Variants in SRMS observed in about 807,000 individuals in gnomAD.
SRMS encodes tyrosine-protein kinase Srms.
In SRMS, 42 loss-of-function variants were observed where a neutral mutation model predicts 43.5. The observed-to-expected ratio is 0.97, with a 90% CI of 0.75 to 1.25. The LOEUF is 1.25. SRMS is among the 50% of genes most tolerant of loss of function. The pLI, the probability that SRMS is intolerant of heterozygous loss-of-function variation, is 0.00. For synonymous variants in SRMS, 316 were observed against 308.2 expected (o/e 1.03, Z -0.27); for missense variants, 703 against 681.0 (o/e 1.03, Z -0.36).
Position 63,547,209 on chromosome 20 carries a change from G to A in SRMS, c.255C>T (p.Gly85=), listed in dbSNP as rs143856117. Residue 85 remains glycine (G), a synonymous_variant, in exon 1 of 8, where the codon GGC becomes GGT. Transcript: ENST00000217188. The stretch of plus-strand genomic sequence containing the variant: ...AAAGCCTGCGTGCGAAGATGTAGCC[G>A]CCCCCCTCTTCGAGGGCACAGAGCC... The part of the protein sequence containing the change: ...GDRLCALEEG[G]GYIFARRLSG... The A allele has an allele frequency of 6.5e-5, 105 of 1,611,756 alleles. No individual in the cohort carries two copies. In the South Asian group the frequency reaches 9.1e-4, roughly 14 times the overall value.
chr20:63,542,452 C>A lies in SRMS; in HGVS notation c.775G>T (p.Val259Phe). Residue 259 changes from valine to phenylalanine, a missense_variant, in exon 4 of 8, where the codon GTC becomes TTC. Transcript: ENST00000217188. ...CTCGGGGCCTCACCTGACTTGATGA[C>A]CTTGATCGCCACGGGCAGGGAGCCC... ...WLGSLPVAIK[V>F]IKSANMKLTD... The A allele has an allele frequency of 1.2e-6, 2 of 1,611,792 alleles. No homozygotes were observed. The highest frequency in any genetic ancestry group is 1.7e-6 in the Non-Finnish European group (2 of 1,179,396).
Position 63,538,872 on chromosome 20 carries a change from A to G in SRMS, c.*1946T>C, listed in dbSNP as rs1039905305. The stretch of plus-strand genomic sequence containing the variant: ...GTGCAGGACTTTCAGTCTAAGCCAC[A>G]CCAGGAGGCAGGAACGTCCCCAGCC... On this transcript the variant is annotated 3_prime_UTR_variant, in exon 8 of 8. Transcript: ENST00000217188. 2.1e-4 allele frequency among the ~76,000 whole-genome samples: 32 copies of G among 152,246 alleles called. No homozygotes were observed. The highest frequency in any genetic ancestry group is 6.5e-4 in the African/African-American group (27 of 41,554).
intron 7 of SRMS, 70 bp from the exon 8 acceptor site, chr20:63,541,069 C>T (rs2145982347): frequency 1.3e-6 from 2 of 1,590,000 alleles, no homozygotes; most frequent in South Asian, 1.1e-5. Flanking sequence ...CTCCTGTAGC[C>T]CCCCATGTCA....
At position 63,540,728 on chromosome 20, in the gene SRMS, T is replaced by A; in HGVS notation, c.*90A>T. The A allele has an allele frequency of 6.1e-6, 9 of 1,470,288 alleles. No homozygotes were observed. Among genetic ancestry groups the A allele is most frequent in the Non-Finnish European group, 7.2e-6 (8 of 1,105,346 alleles). 91.1% of individuals were successfully genotyped at this position (1,470,288 alleles called of 1,614,324 possible). On this transcript the variant is annotated 3_prime_UTR_variant, in exon 8 of 8. Coordinates refer to ENST00000217188, the MANE Select transcript of SRMS (RefSeq NM_080823.4). ...AGGCCCACAGCCAGAGGCTCCTCGG[T>A]CCGGCAGACCGGCATCCCTTCGAGT...
rs766697222 is a variant in SRMS, at chr20:63,541,636, C to A, written c.947-16G>T. On this transcript the variant is annotated splice_polypyrimidine_tract_variant and intron_variant, in intron 5 of 7. Coordinates refer to ENST00000217188, the MANE Select transcript of SRMS (RefSeq NM_080823.4). ...CCCTCGGGGGCTGCAGGAGACAGCG[C>A]GGGGTCTTTTAGGGCACGGGGCCAA... The A allele has an allele frequency of 1.2e-5, 18 of 1,505,474 alleles. 1 individual carries two copies. The South Asian group carries it at 2.1e-4, about 18-fold the overall frequency. The allele number at this position is 1,505,474 out of a possible 1,614,324, so 93.3% of individuals were successfully genotyped here. A position where few individuals can be genotyped will look rare whatever the true frequency, so the allele number is the denominator to read the frequency against.
At chr20:63,546,010 T>G (rs1319311488) in intron 1 of SRMS, among the ~76,000 whole-genome samples, 1 of 152,098 alleles carries the variant, frequency 6.6e-6, no homozygotes, top group African/African-American at 2.4e-5. Flanking sequence ...TGGGGCCAGG[T>G]GTCTGGAGCT....
chr20:63,542,074 C>T (rs1010277253), intron 5 of SRMS, 89 bp downstream of exon 5: 9 of 1,520,594 alleles, frequency 5.9e-6, no homozygotes, highest in East Asian at 4.6e-5. Flanking sequence ...CGGTTCACCT[C>T]GGAAACCCCG....
chr20:63,543,591 C>T, intron 2 of SRMS, 111 bp from the exon 3 acceptor site: 2 of 1,305,606 alleles, frequency 1.5e-6, no homozygotes, highest in South Asian at 2.9e-5. Context: ...TCAGACCTAG[C>T]TGGGGACCCT....
rs1174859735 is a variant in SRMS, at chr20:63,543,322, T to C, written c.637A>G (p.Met213Val). 1.2e-6 allele frequency: 2 copies of C among 1,612,394 alleles called. No individual in the cohort carries two copies. The highest frequency in any genetic ancestry group is 1.3e-5 in the African/African-American group (1 of 75,044). Residue 213 changes from methionine to valine, a missense_variant, in exon 3 of 8, where the codon ATG (methionine) becomes GTG (valine). Coordinates refer to ENST00000217188, the MANE Select transcript of SRMS (RefSeq NM_080823.4). ...LIQNPLLQPC[M>V]PQKAPRQDVW... ...GGCAGGCACAGGCCCACCTGGGGCATGCAGGGCTGCAGCAGGGGGTTCTGG... is the reference window on the plus strand; with the variant it reads ...GGCAGGCACAGGCCCACCTGGGGCACGCAGGGCTGCAGCAGGGGGTTCTGG...
chr20:63,543,995 GGAAT>G (rs758494492), intron 2 of SRMS, among the ~76,000 whole-genome samples: 6 of 152,142 alleles, frequency 3.9e-5, no homozygotes, highest in Non-Finnish European at 8.8e-5. Flanking sequence ...GAATTAGTGA[GGAAT>G]GAATGAACAA....
rs973775314 is a variant in SRMS at position 63,547,225 on chromosome 20, G to A, written c.239C>T (p.Ala80Val). Residue 80 changes from alanine to valine, a missense_variant, in exon 1 of 8, where the codon GCC becomes GTC. Transcript: ENST00000217188. Reference protein sequence around the residue: ...LSVRRGDRLCALEEGGGYIFA... With the variant: ...LSVRRGDRLCVLEEGGGYIFA... The stretch of plus-strand genomic sequence containing the variant: ...GATGTAGCCGCCCCCCTCTTCGAGG[G>A]CACAGAGCCTGTCCCCGCGGCGGAC... 1 of 1,611,992 alleles carries A rather than the reference G, an allele frequency of 6.2e-7. No individual in the cohort carries two copies. The highest frequency in any genetic ancestry group is 1.7e-5 in the Admixed American group (1 of 59,932).
chr20:63,546,063 G>T (rs1363884819), intron 1 of SRMS, among the ~76,000 whole-genome samples: 1 of 152,076 alleles, frequency 6.6e-6, no homozygotes, highest in Non-Finnish European at 1.5e-5. Flanking sequence ...TCCAGCCTAG[G>T]CAAATAGTCA....
In SRMS at chr20:63,539,485, G is replaced by A. The variant is rs940328526; in HGVS notation, c.*1333C>T. Among the ~76,000 whole-genome samples the A allele has an allele frequency of 1.3e-5, 2 of 152,224 alleles. No homozygotes were observed. The highest frequency in any genetic ancestry group is 2.9e-5 in the Non-Finnish European group (2 of 68,032). On this transcript the variant is annotated 3_prime_UTR_variant, in exon 8 of 8. Coordinates refer to ENST00000217188, the MANE Select transcript of SRMS (RefSeq NM_080823.4). ...ACTCTAGGGGACAAGGACTCAGTCA[G>A]GCCTGAACTTGTCTCCAAACTTTCT...
Position 63,540,831 on chromosome 20 carries a change from CTGTGG to C in SRMS, c.1449_1453del (p.Ile483MetfsTer65). 6.2e-7 allele frequency: 1 copy of C among 1,602,090 alleles called. No homozygotes were observed. On this transcript the variant is annotated frameshift_variant, in exon 8 of 8. Transcript: ENST00000217188. LOFTEE classifies it high-confidence loss of function. ...TCACGTGAGGACTCAGGGGTGGCAT[CTGTGG>C]ATGGCGTGCAGCTTCTCCCGCAGCG...
intron 2 of SRMS, chr20:63,543,733 A>C: frequency 4.0e-6 from 2 of 499,334 alleles, no homozygotes; most frequent in Admixed American, 7.4e-5. Context: ...ATACTTGTAG[A>C]ATGAATGAGT....
rs536834705 is a variant in SRMS at position 63,540,492 on chromosome 20, C to T, written c.*326G>A. On this transcript the variant is annotated 3_prime_UTR_variant, in exon 8 of 8. Coordinates refer to ENST00000217188, the MANE Select transcript of SRMS (RefSeq NM_080823.4). ...GGCCAGGGACACGTGTCACACTGCA[C>T]GGGGAACGTCAGCCCCAGCCCTCCG... 5.3e-5 allele frequency among the ~76,000 whole-genome samples: 8 copies of T among 152,016 alleles called. No homozygotes were observed. Among genetic ancestry groups the T allele is most frequent in the African/African-American group, 9.7e-5 (4 of 41,366 alleles).
At position 63,540,163 on chromosome 20, in the gene SRMS, A is replaced by C. The variant is rs115706620; in HGVS notation, c.*655T>G. On this transcript the variant is annotated 3_prime_UTR_variant, in exon 8 of 8. Coordinates refer to ENST00000217188, the MANE Select transcript of SRMS (RefSeq NM_080823.4). ...TGAGTGGGTCAGTCCCGGCTTACTG[A>C]GTGCTGTGTGCGTGAGTGGGTTTGT... 4.1e-4 allele frequency among the ~76,000 whole-genome samples: 63 copies of C among 152,078 alleles called. No homozygotes were observed. Among genetic ancestry groups the C allele is most frequent in the African/African-American group, 1.4e-3 (59 of 41,462 alleles).
In SRMS at chr20:63,547,659, C is replaced by T. The variant is rs1452219482; in HGVS notation, c.-196G>A. Among the ~76,000 whole-genome samples the T allele has an allele frequency of 3.9e-5, 6 of 152,314 alleles. No homozygotes were observed. The highest frequency in any genetic ancestry group is 7.4e-5 in the Non-Finnish European group (5 of 68,010). Reference sequence around the variant, plus strand: ...CGGTTCCCACCGGCGTCCGGGCTGGCGTTGGGGCTGGGTGGGGCGCAGGGC... The same window carrying T: ...CGGTTCCCACCGGCGTCCGGGCTGGTGTTGGGGCTGGGTGGGGCGCAGGGC... On this transcript the variant is annotated 5_prime_UTR_variant, in exon 1 of 8. Transcript: ENST00000217188.
intron 5 of SRMS, 129 bp downstream of exon 5, chr20:63,542,033 GC>G (rs2082706962): frequency 5.3e-6 from 7 of 1,327,924 alleles, no homozygotes; most frequent in Non-Finnish European, 6.1e-6. Flanking sequence ...GGGATCTGCA[GC>G]CGGGGCCACC....
Sources: gnomAD v4.1 joint callset for allele counts (sites outside exome capture counted in the v4.1 genomes callset) on GRCh38, gnomAD v4.1.1 for gene constraint, MANE v1.5 for transcripts, NCBI Gene and HGNC (gene_info 2026-07-23, HGNC 2026-07-21) for gene names.